Variants in NFIA observed in about 807,000 individuals in gnomAD.
The protein encoded by NFIA is nuclear factor 1 A-type.
In NFIA, 8 loss-of-function variants were observed where a neutral mutation model predicts 62.8. The ratio of observed to expected loss-of-function variants is 0.13; its 90% CI spans 0.07 to 0.23. The LOEUF (loss-of-function observed/expected upper bound fraction) is 0.23, where lower values mean the gene tolerates loss of function less well. NFIA is among the 10% of genes least tolerant of loss of function. The pLI, the probability that NFIA is intolerant of heterozygous loss-of-function variation, is 1.00. For missense variants in NFIA, 410 were observed against 642.1 expected, an observed-to-expected ratio of 0.64 and a Z score of 3.91; for synonymous variants, 235 against 238.1, an observed-to-expected ratio of 0.99 and a Z score of 0.12.
At chr1:61,442,502 A>G (rs537234008) in intron 10 of NFIA, among the ~76,000 whole-genome samples, 27 of 152,184 alleles carry the variant, frequency 1.8e-4, no homozygotes, top group Non-Finnish European at 3.1e-4. Flanking sequence ...TTAAATCCTC[A>G]GGAAAATGTG....
At chr1:61,337,409 A>G (rs776379323) in intron 4 of NFIA, among the ~76,000 whole-genome samples, 3 of 152,120 alleles carry the variant, frequency 2.0e-5, no homozygotes, top group Non-Finnish European at 4.4e-5. Context: ...GTAGCATAAA[A>G]ATCTATATTT....
intron 2 of NFIA, among the ~76,000 whole-genome samples, chr1:61,136,434 C>G (rs112649091): frequency 4.5e-4 from 68 of 152,234 alleles, no homozygotes; most frequent in African/African-American, 1.5e-3. Flanking sequence ...AAATTATACG[C>G]AAACTAGTAG....
rs146272069 is a variant in NFIA at position 61,391,958 on chromosome 1, C to T, written c.1075+8593C>T. Among the ~76,000 whole-genome samples, 416 of 152,328 alleles carry T rather than the reference C, an allele frequency of 2.7e-3. 1 individual carries two copies. Among genetic ancestry groups the T allele is most frequent in the African/African-American group, 9.4e-3 (392 of 41,542 alleles). ...GGCACTGAAATAATCTGCCAACAGA[C>T]GCACGGTGTTTATTTATTATTGGAG... On this transcript the variant is annotated intron_variant, in intron 7 of 10. Coordinates refer to ENST00000403491, the MANE Select transcript of NFIA (RefSeq NM_001134673.4).
intron 2 of NFIA, among the ~76,000 whole-genome samples, chr1:61,211,784 G>A: frequency 6.6e-6 from 1 of 152,132 alleles, no homozygotes. Context: ...TGCAACCTCT[G>A]CCTCATGGGC....
intron 2 of NFIA, among the ~76,000 whole-genome samples, chr1:61,216,308 C>T (rs1428378771): frequency 6.6e-6 from 1 of 152,044 alleles, no homozygotes. Context: ...TTGGGATGCC[C>T]AACCCAGTAC....
intron 2 of NFIA, among the ~76,000 whole-genome samples, chr1:61,234,246 A>G (rs1028467777): frequency 6.6e-6 from 1 of 152,018 alleles, no homozygotes; most frequent in African/African-American, 2.4e-5. Flanking sequence ...ACATGCCTGT[A>G]ATCCCAGCTA....
chr1:61,111,374 T>TA (rs1405424209), intron 2 of NFIA, among the ~76,000 whole-genome samples: 1 of 152,134 alleles, frequency 6.6e-6, no homozygotes, highest in Non-Finnish European at 1.5e-5. Context: ...ACTCTAGGTG[T>TA]AAAAATGAAG....
intron 9 of NFIA, among the ~76,000 whole-genome samples, chr1:61,419,825 G>A (rs991725968): frequency 6.6e-6 from 1 of 152,184 alleles, no homozygotes; most frequent in African/African-American, 2.4e-5. Context: ...TTTTCAGGAA[G>A]GAAGCTTGTG....
At chr1:61,340,387 T>C (rs1311991709) in intron 4 of NFIA, among the ~76,000 whole-genome samples, 3 of 152,238 alleles carry the variant, frequency 2.0e-5, no homozygotes, top group Non-Finnish European at 4.4e-5. Flanking sequence ...TTGCAACTTA[T>C]CAACTCTATA....
chr1:61,122,959 G>A (rs1646911728), intron 2 of NFIA, among the ~76,000 whole-genome samples: 1 of 152,158 alleles, frequency 6.6e-6, no homozygotes, highest in South Asian at 2.1e-4. Flanking sequence ...CAGTACGTAT[G>A]TCCATGTATC....
chr1:61,277,380 C>G, intron 2 of NFIA, 140 bp from the exon 3 acceptor site: 1 of 756,618 alleles, frequency 1.3e-6, no homozygotes, highest in Non-Finnish European at 2.2e-6. Context: ...TCCATCTTTT[C>G]TTTTTTTCAT....
At chr1:61,346,925 C>A (rs74382542) in intron 4 of NFIA, among the ~76,000 whole-genome samples, 2,002 of 152,242 alleles carry the variant, frequency 0.013, 64 homozygotes, top group African/African-American at 0.046. Context: ...AAGGGGGAAG[C>A]CCCTTATAAC....
At chr1:61,198,994 A>G (rs2100586079) in intron 2 of NFIA, among the ~76,000 whole-genome samples, 1 of 152,292 alleles carries the variant, frequency 6.6e-6, no homozygotes, top group South Asian at 2.1e-4. Context: ...TTTGCCCACT[A>G]AAAAATCATC....
At chr1:61,116,379 G>C (rs1157261231) in intron 2 of NFIA, among the ~76,000 whole-genome samples, 1 of 152,210 alleles carries the variant, frequency 6.6e-6, no homozygotes, top group Admixed American at 6.5e-5. Context: ...GGCATAGAAA[G>C]TTTAGATGAC....
At chr1:61,445,022 AAGTG>A (rs1667745640) in intron 10 of NFIA, among the ~76,000 whole-genome samples, 1 of 152,250 alleles carries the variant, frequency 6.6e-6, no homozygotes, top group African/African-American at 2.4e-5. Context: ...TCCGAAAACA[AAGTG>A]AGAATGATTT....
chr1:61,189,318 C>T (rs549171948), intron 2 of NFIA, among the ~76,000 whole-genome samples: 1 of 152,242 alleles, frequency 6.6e-6, no homozygotes, highest in African/African-American at 2.4e-5. Flanking sequence ...GCTTGGATTG[C>T]ATATGGCTTC....
At chr1:61,147,716 G>A (rs375358716) in intron 2 of NFIA, among the ~76,000 whole-genome samples, 1 of 151,202 alleles carries the variant, frequency 6.6e-6, no homozygotes, top group Admixed American at 6.6e-5. Context: ...ATTTTCATTT[G>A]TTTTTTTTCA....
rs1388054728 is a variant in NFIA, at chr1:61,428,168, C to G, written c.1512+1612C>G. 3.3e-5 allele frequency among the ~76,000 whole-genome samples: 5 copies of G among 152,212 alleles called. No homozygotes were observed. In the South Asian group the frequency reaches 1.0e-3, roughly 32 times the overall value. ...TTTTTATATAAGCTGTGATTCACAG[C>G]CCTGAAATTGTATGCTGTGTTCTTT... On this transcript the variant is annotated intron_variant, in intron 10 of 10. Coordinates refer to ENST00000403491, the MANE Select transcript of NFIA (RefSeq NM_001134673.4).
chr1:61,081,256 T>TAA (rs377051682), upstream of NFIA, among the ~76,000 whole-genome samples: 48 of 142,622 alleles, frequency 3.4e-4, no homozygotes, highest in Non-Finnish European at 5.0e-4. Context: ...AATATGAGGT[T>TAA]AAAAAAAAAA....
Sources: allele counts gnomAD v4.1 joint callset (sites outside exome capture counted in the v4.1 genomes callset), GRCh38; gene constraint gnomAD v4.1.1; transcripts MANE v1.5; gene names NCBI Gene and HGNC (gene_info 2026-07-23, HGNC 2026-07-21).